DLG2: variants seen among roughly 807,000 people sequenced by gnomAD.
DLG2 encodes the protein disks large homolog 2.
In DLG2, 45 loss-of-function variants were observed where a neutral mutation model predicts 132.5. That is an observed-to-expected ratio of 0.34 (90% confidence interval 0.27 to 0.44). The LOEUF (loss-of-function observed/expected upper bound fraction) is 0.44, where lower values mean the gene tolerates loss of function less well. Ranked by LOEUF, DLG2 falls within the 20% of genes least tolerant of loss-of-function variation. The pLI is 1.00. For synonymous variants in DLG2, 424 were observed against 419.6 expected, an observed-to-expected ratio of 1.01 and a Z score of -0.13; for missense variants, 1,045 against 1,196.9, an observed-to-expected ratio of 0.87 and a Z score of 1.87.
At chr11:85,375,796 A>G (rs1434978219) in intron 3 of DLG2, among the ~76,000 whole-genome samples, 3 of 152,214 alleles carry the variant, frequency 2.0e-5, no homozygotes, top group African/African-American at 4.8e-5. Context: ...GCAAGAGACC[A>G]TGATGATTTG....
intron 3 of DLG2, among the ~76,000 whole-genome samples, chr11:85,430,802 T>C (rs2091125048): frequency 6.7e-6 from 1 of 148,776 alleles, no homozygotes. Context: ...GAAAACATTC[T>C]GAAAATCATT....
At chr11:83,469,790 T>C (rs1263849878) in intron 24 of DLG2, among the ~76,000 whole-genome samples, 2 of 152,160 alleles carry the variant, frequency 1.3e-5, no homozygotes, top group East Asian at 3.9e-4. Flanking sequence ...TCTACACCCA[T>C]CTTCACAAAG....
At chr11:83,976,586 T>G (rs2092258157) in intron 12 of DLG2, among the ~76,000 whole-genome samples, 1 of 151,914 alleles carries the variant, frequency 6.6e-6, no homozygotes, top group African/African-American at 2.4e-5. Flanking sequence ...TCTTTTAGGG[T>G]GGCTTCAGTG....
rs201317842 is a variant in DLG2 at position 84,931,687 on chromosome 11, ACT to A, written c.357+179972_357+179973del. 7.9e-3 allele frequency among the ~76,000 whole-genome samples: 1,196 copies of A among 152,324 alleles called. 6 individuals carry two copies. Among genetic ancestry groups the A allele is most frequent in the Non-Finnish European group, 0.01 (703 of 68,030 alleles). Reference sequence around the variant, plus strand: ...CTTGAGGTCTTTGAGGAAATGCCACACTGTCTTCCAATATGGTTGAACTAATT... The same window carrying A: ...CTTGAGGTCTTTGAGGAAATGCCACAGTCTTCCAATATGGTTGAACTAATT... On this transcript the variant is annotated intron_variant, in intron 6 of 27. Transcript: ENST00000376104.
chr11:85,090,266 T>A (rs1566827344), intron 6 of DLG2, among the ~76,000 whole-genome samples: 1 of 152,186 alleles, frequency 6.6e-6, no homozygotes, highest in Non-Finnish European at 1.5e-5. Context: ...GCAGTTTCCC[T>A]AATGGGTAAA....
At chr11:83,753,826 T>TAGC (rs2093479112) in intron 18 of DLG2, among the ~76,000 whole-genome samples, 1 of 86,320 alleles carries the variant, frequency 1.2e-5, no homozygotes, top group African/African-American at 6.5e-5. Context: ...ATATATTTCA[T>TAGC]ATATATATGA....
At chr11:84,423,462 A>C (rs2098957064) in intron 7 of DLG2, among the ~76,000 whole-genome samples, 1 of 152,164 alleles carries the variant, frequency 6.6e-6, no homozygotes, top group Non-Finnish European at 1.5e-5. Context: ...TTATCATCTA[A>C]GATGGACTAC....
intron 3 of DLG2, among the ~76,000 whole-genome samples, chr11:85,550,470 A>G (rs781377503): frequency 5.3e-5 from 8 of 152,188 alleles, no homozygotes; most frequent in Non-Finnish European, 1.0e-4. Context: ...CAAGGGGTGG[A>G]ATGCAGCAGG....
intron 3 of DLG2, among the ~76,000 whole-genome samples, chr11:85,321,990 G>A (rs915247557): frequency 1.3e-5 from 2 of 151,980 alleles, no homozygotes; most frequent in African/African-American, 4.8e-5. Context: ...AATCAACCAG[G>A]AAATGTGTGG....
At chr11:83,517,292 C>G (rs2095328716) in intron 21 of DLG2, among the ~76,000 whole-genome samples, 1 of 152,318 alleles carries the variant, frequency 6.6e-6, no homozygotes, top group South Asian at 2.1e-4. Context: ...CACTGATACC[C>G]TTTCTTCTAG....
At chr11:84,840,924 C>G (rs1291580717) in intron 6 of DLG2, among the ~76,000 whole-genome samples, 1 of 150,352 alleles carries the variant, frequency 6.7e-6, no homozygotes, top group African/African-American at 2.5e-5. Flanking sequence ...ACCAACATGG[C>G]ACATGTATAA....
intron 17 of DLG2, among the ~76,000 whole-genome samples, chr11:83,831,660 C>A (rs1407067205): frequency 6.6e-6 from 1 of 152,032 alleles, no homozygotes; most frequent in African/African-American, 2.4e-5. Context: ...AAAATGAAAA[C>A]AAATTTTTCT....
chr11:84,405,900 C>T (rs2098847131), intron 7 of DLG2, among the ~76,000 whole-genome samples: 1 of 152,130 alleles, frequency 6.6e-6, no homozygotes, highest in Non-Finnish European at 1.5e-5. Context: ...GGATCCCTTA[C>T]TTCTTTGCCT....
At chr11:85,412,897 T>C (rs1286439160) in intron 3 of DLG2, among the ~76,000 whole-genome samples, 1 of 151,564 alleles carries the variant, frequency 6.6e-6, no homozygotes, top group Non-Finnish European at 1.5e-5. Flanking sequence ...CTTTTTCGTA[T>C]AATGATTTAT....
intron 18 of DLG2, among the ~76,000 whole-genome samples, chr11:83,705,447 C>T (rs1050035778): frequency 6.6e-6 from 1 of 151,986 alleles, no homozygotes; most frequent in Non-Finnish European, 1.5e-5. Context: ...TTCAAAACAT[C>T]ATTATTAAAT....
chr11:84,762,401 A>G (rs988495224), intron 6 of DLG2, among the ~76,000 whole-genome samples: 1 of 152,236 alleles, frequency 6.6e-6, no homozygotes, highest in Non-Finnish European at 1.5e-5. Context: ...TGTGTACAGT[A>G]GTTGTTGACA....
At chr11:84,055,475 A>G (rs1426133713) in intron 11 of DLG2, among the ~76,000 whole-genome samples, 2 of 152,124 alleles carry the variant, frequency 1.3e-5, no homozygotes, top group African/African-American at 4.8e-5. Context: ...AATATGGTGA[A>G]CAAAGCTAAG....
intron 19 of DLG2, among the ~76,000 whole-genome samples, chr11:83,590,936 A>T (rs927401433): frequency 2.5e-3 from 376 of 151,522 alleles, no homozygotes; most frequent in African/African-American, 8.9e-3. Context: ...CCAAGACTAA[A>T]CCAGGAAGAA....
At position 83,907,162 on chromosome 11, in the gene DLG2, A is replaced by T. The variant is rs1018028552; in HGVS notation, c.1496+23166T>A. 2.0e-5 allele frequency among the ~76,000 whole-genome samples: 3 copies of T among 152,134 alleles called. No individual in the cohort carries two copies. In the South Asian group the frequency reaches 6.2e-4, roughly 32 times the overall value. On this transcript the variant is annotated intron_variant, in intron 15 of 27. Transcript: ENST00000376104. ...AGCTTGAGAAAGAAGAAATGAGAGA[A>T]CATTTAATGTGGGAGAAACATCTTG...
Sources: allele counts gnomAD v4.1 joint callset (sites outside exome capture counted in the v4.1 genomes callset), GRCh38; gene constraint gnomAD v4.1.1; transcripts MANE v1.5; gene names NCBI Gene and HGNC (gene_info 2026-07-23, HGNC 2026-07-21).